AVIL: variants seen among roughly 807,000 people sequenced by gnomAD.
The protein encoded by AVIL is advillin.
AVIL carries 78 observed loss-of-function variants against 109.9 expected under a neutral mutation model. That is an observed-to-expected ratio of 0.71 (90% CI 0.59 to 0.86). AVIL has a LOEUF of 0.86. Ranked by LOEUF, AVIL falls within the 40% of genes least tolerant of loss-of-function variation. The pLI is 0.00. For synonymous variants in AVIL, 367 were observed against 379.1 expected (o/e 0.97, Z 0.37); for missense variants, 892 against 1,016.5 (o/e 0.88, Z 1.67).
chr12:57,815,877 C>G (rs1408122214), intron 2 of AVIL, 98 bp downstream of exon 2: 2 of 1,585,450 alleles, frequency 1.3e-6, no homozygotes, highest in East Asian at 4.6e-5. Context: ...AAACCATAGG[C>G]TAAGGGGTGC....
intron 9 of AVIL, 87 bp downstream of exon 9, chr12:57,809,510 A>AT: frequency 6.8e-7 from 1 of 1,468,886 alleles, no homozygotes; most frequent in Non-Finnish European, 9.5e-7. Flanking sequence ...TATATGCTCA[A>AT]ATACCTAGCA....
chr12:57,815,937 C>G, intron 2 of AVIL, 38 bp downstream of exon 2: 1 of 1,613,404 alleles, frequency 6.2e-7, no homozygotes, highest in Non-Finnish European at 8.5e-7. Context: ...CTTCCAGATG[C>G]CAGTGGTCAC....
Position 57,797,529 on chromosome 12 carries a change from C to G in AVIL, c.*353G>C. The stretch of plus-strand genomic sequence containing the variant: ...GAAATAATCATCTTAAAATTGAAAA[C>G]AAAGGTAGGTCCTGGTATAATATTA... On this transcript the variant is annotated 3_prime_UTR_variant, in exon 20 of 20. Transcript: ENST00000549994. 1.1e-6 allele frequency: 1 copy of G among 948,494 alleles called. No homozygotes were observed. The highest frequency in any genetic ancestry group is 1.3e-6 in the Non-Finnish European group (1 of 796,078). 58.8% of individuals were successfully genotyped at this position (948,494 alleles called of 1,614,324 possible).
At chr12:57,805,634 A>G (rs1057309505) in intron 14 of AVIL, among the ~76,000 whole-genome samples, 16 of 149,112 alleles carry the variant, frequency 1.1e-4, no homozygotes, top group Admixed American at 2.7e-4. Context: ...ACTGGGTTCA[A>G]GCGATTCTCC....
At chr12:57,815,077 T>C (rs1465613856) in intron 2 of AVIL, among the ~76,000 whole-genome samples, 2 of 152,080 alleles carry the variant, frequency 1.3e-5, no homozygotes, top group African/African-American at 2.4e-5. Flanking sequence ...CTCAGCCTCC[T>C]GAGTAGCTGG....
rs1955760673 is a variant in AVIL, at chr12:57,797,543, G to A, written c.*339C>T. 2 of 928,686 alleles carry A rather than the reference G, an allele frequency of 2.2e-6. No homozygotes were observed. The highest frequency in any genetic ancestry group is 9.9e-5 in the South Asian group (2 of 20,156). The allele number at this position is 928,686 out of a possible 1,614,324, so 57.5% of individuals were successfully genotyped here. ...AAAATTGAAAACAAAGGTAGGTCCT[G>A]GTATAATATTAAACATAAAGTTATT... On this transcript the variant is annotated 3_prime_UTR_variant, in exon 20 of 20. Transcript: ENST00000549994.
chr12:57,799,948 G>A, intron 18 of AVIL, 28 bp from the exon 19 acceptor site: 1 of 1,613,016 alleles, frequency 6.2e-7, no homozygotes, highest in Non-Finnish European at 8.5e-7. Context: ...GTAGGCACAG[G>A]GAAAAGACTC....
At position 57,806,547 on chromosome 12, in the gene AVIL, G is replaced by A. The variant is rs1291105446; in HGVS notation, c.1492-8C>T. 1.2e-6 allele frequency: 2 copies of A among 1,613,724 alleles called. No individual in the cohort carries two copies. The highest frequency in any genetic ancestry group is 8.5e-7 in the Non-Finnish European group (1 of 1,179,900). ...CTTCCTGGAAGTCCCACCCTAGAGAGAAGAAAAGCAGAGTCCAGATCTAAG... is the reference window on the plus strand; with the variant it reads ...CTTCCTGGAAGTCCCACCCTAGAGAAAAGAAAAGCAGAGTCCAGATCTAAG... On this transcript the variant is annotated splice_region_variant and splice_polypyrimidine_tract_variant and intron_variant, in intron 13 of 19. Coordinates refer to ENST00000549994, the MANE Select transcript of AVIL (RefSeq NM_006576.4).
intron 14 of AVIL, chr12:57,804,280 T>A (rs777680698): frequency 2.6e-5 from 4 of 152,352 alleles, no homozygotes; most frequent in Non-Finnish European, 4.4e-5. Context: ...GCATATGAGA[T>A]CTCTGTTGGG....
At position 57,811,079 on chromosome 12, in the gene AVIL, A is replaced by G. The variant is rs548135664; in HGVS notation, c.387T>C (p.Asn129=). The stretch of plus-strand genomic sequence containing the variant: ...GTAGCAGCCGCTTCACGTCGTAGGT[A>G]TTGGTCTCCACGTGCTTCATCCCAG... ...VASGMKHVET[N]TYDVKRLLHV... is the part of the protein sequence containing the mutation. Residue 129 remains asparagine, a synonymous_variant, in exon 5 of 20, where the codon AAT becomes AAC. Coordinates refer to ENST00000549994, the MANE Select transcript of AVIL (RefSeq NM_006576.4). 3 of 1,614,034 alleles carry G rather than the reference A, an allele frequency of 1.9e-6. No individual in the cohort carries two copies. The highest frequency in any genetic ancestry group is 1.3e-5 in the African/African-American group (1 of 74,992).
intron 4 of AVIL, among the ~76,000 whole-genome samples, chr12:57,812,819 T>C (rs1956054318): frequency 6.6e-6 from 1 of 151,920 alleles, no homozygotes; most frequent in African/African-American, 2.4e-5. Flanking sequence ...GTGGTGTGCA[T>C]GTCCAGTCTC....
At chr12:57,802,071 G>C in intron 17 of AVIL, 89 bp downstream of exon 17, 1 of 1,426,682 alleles carries the variant, frequency 7.0e-7, no homozygotes, top group Non-Finnish European at 9.6e-7. Flanking sequence ...GTTTCACTGA[G>C]CCGTGAATCA....
rs564196044 is a variant in AVIL at position 57,813,883 on chromosome 12, G to T, written c.141+269C>A. On this transcript the variant is annotated intron_variant, in intron 3 of 19. Coordinates refer to ENST00000549994, the MANE Select transcript of AVIL (RefSeq NM_006576.4). The stretch of plus-strand genomic sequence containing the variant: ...CTTCTTCCACACCACTTTAATGTGG[G>T]GCCTAGGCCCGGGAGAAGTGCTGCT... Among the ~76,000 whole-genome samples the T allele has an allele frequency of 2.0e-5, 3 of 152,256 alleles. No homozygotes were observed. In the South Asian group the frequency reaches 6.2e-4, roughly 32 times the overall value.
chr12:57,800,100 A>G, intron 18 of AVIL, 180 bp from the exon 19 acceptor site: 2 of 843,192 alleles, frequency 2.4e-6, no homozygotes, highest in Non-Finnish European at 3.5e-6. Flanking sequence ...AATAGAAAAT[A>G]TTCAGATTTT....
rs1233865136 is a variant in AVIL, at chr12:57,811,085, C to T, written c.381G>A (p.Glu127=). The T allele has an allele frequency of 1.2e-6, 2 of 1,614,046 alleles. No individual in the cohort carries two copies. Among genetic ancestry groups the T allele is most frequent in the Non-Finnish European group, 1.7e-6 (2 of 1,180,034 alleles). Reference sequence around the variant, plus strand: ...GCCGCTTCACGTCGTAGGTATTGGTCTCCACGTGCTTCATCCCAGAGGCGA... The same window carrying T: ...GCCGCTTCACGTCGTAGGTATTGGTTTCCACGTGCTTCATCCCAGAGGCGA... ...GGVASGMKHV[E]TNTYDVKRLL... is the part of the protein sequence containing the mutation. Residue 127 remains glutamate (E), a synonymous_variant, in exon 5 of 20, where the codon GAG becomes GAA. Coordinates refer to ENST00000549994, the MANE Select transcript of AVIL (RefSeq NM_006576.4).
At position 57,797,789 on chromosome 12, in the gene AVIL, A is replaced by G; in HGVS notation, c.*93T>C. 3 of 1,024,928 alleles carry G rather than the reference A, an allele frequency of 2.9e-6. No individual in the cohort carries two copies. Among genetic ancestry groups the G allele is most frequent in the Non-Finnish European group, 4.1e-6 (3 of 738,708 alleles). 63.5% of individuals were successfully genotyped at this position (1,024,928 alleles called of 1,614,324 possible). ...TATTATATCTAAATTAAGTAGCTGA[A>G]TGTCAGGCAGAAATTGGTGGATAAA... On this transcript the variant is annotated 3_prime_UTR_variant, in exon 20 of 20. Transcript: ENST00000549994.
intron 14 of AVIL, chr12:57,806,046 A>G (rs1955938942): frequency 3.8e-6 from 1 of 266,536 alleles, no homozygotes; most frequent in South Asian, 4.0e-5. Flanking sequence ...CATGTTGGCC[A>G]GGCTGGTCTC....
chr12:57,814,395 C>T, intron 2 of AVIL, 169 bp from the exon 3 acceptor site: 1 of 636,500 alleles, frequency 1.6e-6, no homozygotes, highest in East Asian at 2.8e-5. Context: ...ACGTGGCCAT[C>T]CCTCTGGCTT....
chr12:57,818,182 C>CTTGTTTTTTTTTTT (rs1956120003), intron 1 of AVIL, among the ~76,000 whole-genome samples: 1 of 35,272 alleles, frequency 2.8e-5, no homozygotes, highest in Non-Finnish European at 5.3e-5. Context: ...CCATGCTTGG[C>CTTGTTTTTTTTTTT]TTTTTTTTTT....
Sources: gnomAD v4.1 joint callset for allele counts (sites outside exome capture counted in the v4.1 genomes callset) on GRCh38, gnomAD v4.1.1 for gene constraint, MANE v1.5 for transcripts, NCBI Gene and HGNC (gene_info 2026-07-23, HGNC 2026-07-21) for gene names.